NCAM2: variants seen among roughly 807,000 people sequenced by gnomAD.
NCAM2 encodes neural cell adhesion molecule 2, also known as N-CAM-2.
NCAM2 carries 30 observed loss-of-function variants against 98.1 expected under a neutral mutation model. The ratio of observed to expected loss-of-function variants is 0.31; its 90% CI spans 0.23 to 0.41. The LOEUF (loss-of-function observed/expected upper bound fraction) is 0.41, where lower values mean the gene tolerates loss of function less well. NCAM2 is among the 10% of genes least tolerant of loss of function. The pLI is 1.00. For missense variants in NCAM2, 867 were observed against 1,005.8 expected, an observed-to-expected ratio of 0.86 and a Z score of 1.87; for synonymous variants, 368 against 342.4, an observed-to-expected ratio of 1.07 and a Z score of -0.83.
At chr21:21,069,731 A>G (rs907931809) in intron 1 of NCAM2, among the ~76,000 whole-genome samples, 1 of 152,162 alleles carries the variant, frequency 6.6e-6, no homozygotes, top group African/African-American at 2.4e-5. Context: ...TCCTAGGGGT[A>G]GAGGTACAAA....
At chr21:21,191,591 C>T (rs2068825702) in intron 1 of NCAM2, among the ~76,000 whole-genome samples, 2 of 152,116 alleles carry the variant, frequency 1.3e-5, no homozygotes, top group African/African-American at 4.8e-5. Context: ...TCAGATTTCT[C>T]TTGTCTTTGG....
intron 1 of NCAM2, among the ~76,000 whole-genome samples, chr21:21,270,991 C>A (rs1214946723): frequency 6.6e-6 from 1 of 151,536 alleles, no homozygotes; most frequent in Non-Finnish European, 1.5e-5. Context: ...ATTCAATTGG[C>A]CTCTTTTGGA....
At chr21:21,037,770 G>C (rs549196350) in intron 1 of NCAM2, among the ~76,000 whole-genome samples, 1 of 152,072 alleles carries the variant, frequency 6.6e-6, no homozygotes, top group Non-Finnish European at 1.5e-5. Context: ...TAGTTTGAGT[G>C]GACTGATTCA....
At chr21:21,123,316 C>G (rs1320796726) in intron 1 of NCAM2, among the ~76,000 whole-genome samples, 1 of 151,716 alleles carries the variant, frequency 6.6e-6, no homozygotes, top group Non-Finnish European at 1.5e-5. Flanking sequence ...ATGGCGTGAA[C>G]CCGGGGGGAG....
intron 5 of NCAM2, among the ~76,000 whole-genome samples, chr21:21,303,185 CAA>C (rs763502091): frequency 1.4e-4 from 20 of 147,034 alleles, no homozygotes; most frequent in Non-Finnish European, 1.9e-4. Flanking sequence ...GCCCATGTGA[CAA>C]ACCTGCACAT....
At chr21:21,379,433 AC>A (rs1425098659) in intron 9 of NCAM2, among the ~76,000 whole-genome samples, 2 of 151,712 alleles carry the variant, frequency 1.3e-5, no homozygotes, top group African/African-American at 2.4e-5. Flanking sequence ...CTTTAACGGA[AC>A]CCCCCAATAT....
rs955435610 is a variant in NCAM2, at chr21:21,061,090, G to A, written c.55+62472G>A. On this transcript the variant is annotated intron_variant, in intron 1 of 17. Transcript: ENST00000400546. Reference sequence around the variant, plus strand: ...TGTATAAGGTGTGAAAATATGTGACGTTTCAGAGTAGCAATTTATAGCAGT... The same window carrying A: ...TGTATAAGGTGTGAAAATATGTGACATTTCAGAGTAGCAATTTATAGCAGT... 2.6e-5 allele frequency among the ~76,000 whole-genome samples: 4 copies of A among 152,082 alleles called. No individual in the cohort carries two copies. The East Asian group carries it at 5.8e-4, about 22-fold the overall frequency.
At chr21:21,504,823 T>C (rs1987874317) in intron 15 of NCAM2, among the ~76,000 whole-genome samples, 1 of 151,860 alleles carries the variant, frequency 6.6e-6, no homozygotes, top group African/African-American at 2.4e-5. Context: ...ATAGTACATT[T>C]GTATATTTGT....
At chr21:21,218,434 C>A (rs2069998900) in intron 1 of NCAM2, among the ~76,000 whole-genome samples, 1 of 152,022 alleles carries the variant, frequency 6.6e-6, no homozygotes, top group Non-Finnish European at 1.5e-5. Context: ...AGAATAATGG[C>A]CCCAAAGATG....
intron 1 of NCAM2, among the ~76,000 whole-genome samples, chr21:21,113,791 A>G (rs947489673): frequency 1.4e-4 from 22 of 151,860 alleles, no homozygotes; most frequent in Admixed American, 1.3e-3. Context: ...ATTTAAGATT[A>G]TAAGGCTTAA....
At chr21:21,344,692 C>G (rs982698949) in intron 8 of NCAM2, among the ~76,000 whole-genome samples, 1 of 152,150 alleles carries the variant, frequency 6.6e-6, no homozygotes, top group African/African-American at 2.4e-5. Flanking sequence ...CCACCTGGGG[C>G]AAGGGGGACC....
chr21:21,416,744 A>G (rs2077002155), intron 10 of NCAM2, among the ~76,000 whole-genome samples: 1 of 152,240 alleles, frequency 6.6e-6, no homozygotes, highest in South Asian at 2.1e-4. Context: ...ATATTATCTT[A>G]TATTTTCATA....
intron 1 of NCAM2, among the ~76,000 whole-genome samples, chr21:21,276,843 A>G (rs2072746299): frequency 1.3e-5 from 2 of 152,062 alleles, no homozygotes; most frequent in African/African-American, 4.8e-5. Flanking sequence ...ATTCACCAAA[A>G]TGTCCATGAA....
chr21:21,159,426 C>T (rs1409059278), intron 1 of NCAM2, among the ~76,000 whole-genome samples: 1 of 152,118 alleles, frequency 6.6e-6, no homozygotes, highest in Non-Finnish European at 1.5e-5. Flanking sequence ...TGAATGAGGT[C>T]ATGTCCTGCA....
chr21:21,119,295 A>T (rs1436116452), intron 1 of NCAM2, among the ~76,000 whole-genome samples: 1 of 152,160 alleles, frequency 6.6e-6, no homozygotes, highest in Non-Finnish European at 1.5e-5. Flanking sequence ...GCCCAAGGGT[A>T]CTAATTTCAT....
chr21:21,190,307 A>G (rs535310326), intron 1 of NCAM2, among the ~76,000 whole-genome samples: 35 of 152,336 alleles, frequency 2.3e-4, no homozygotes, highest in Non-Finnish European at 4.9e-4. Context: ...AGTTTTAAGC[A>G]TCTCCCAGTT....
At chr21:21,001,368 G>T (rs1383443620) in intron 1 of NCAM2, among the ~76,000 whole-genome samples, 1 of 152,122 alleles carries the variant, frequency 6.6e-6, no homozygotes, top group Admixed American at 6.5e-5. Context: ...GTATAATGAA[G>T]TAAGGTTAGA....
chr21:21,022,664 T>G (rs1317114125), intron 1 of NCAM2, among the ~76,000 whole-genome samples: 1 of 152,208 alleles, frequency 6.6e-6, no homozygotes, highest in East Asian at 1.9e-4. Flanking sequence ...AATTGCAAAT[T>G]ATTTTAACAT....
intron 1 of NCAM2, among the ~76,000 whole-genome samples, chr21:21,277,864 G>C (rs2072784170): frequency 2.0e-5 from 3 of 151,832 alleles, no homozygotes; most frequent in Non-Finnish European, 4.4e-5. Context: ...AAATTAATGA[G>C]TGCGTGTATT....
Sources: allele counts gnomAD v4.1 joint callset (sites outside exome capture counted in the v4.1 genomes callset), GRCh38; gene constraint gnomAD v4.1.1; transcripts MANE v1.5; gene names NCBI Gene and HGNC (gene_info 2026-07-23, HGNC 2026-07-21).